XKR6: variants seen among roughly 807,000 people sequenced by gnomAD.
XKR6 encodes the protein XK related 6.
Under a neutral mutation model 56.7 loss-of-function variants are expected in XKR6, and 22 were observed. The observed-to-expected ratio is 0.39, with a 90% CI of 0.28 to 0.55. The LOEUF is 0.55. Among genes scored for constraint, XKR6 ranks in the 20% least tolerant of loss-of-function variants. The probability of loss-of-function intolerance (pLI) is 0.66; values close to 1 mark genes in which losing one functional copy is unlikely to be tolerated. For synonymous variants in XKR6, 524 were observed against 387.8 expected, an observed-to-expected ratio of 1.35 and a Z score of -4.13; for missense variants, 852 against 889.0, an observed-to-expected ratio of 0.96 and a Z score of 0.53.
intron 1 of XKR6, among the ~76,000 whole-genome samples, chr8:11,053,389 A>T (rs1057026880): frequency 3.9e-5 from 6 of 152,230 alleles, no homozygotes; most frequent in African/African-American, 1.4e-4. Context: ...AAACCCATCA[A>T]CCACAGCAGA....
At chr8:11,086,389 G>A (rs1322834593) in intron 1 of XKR6, among the ~76,000 whole-genome samples, 1 of 152,110 alleles carries the variant, frequency 6.6e-6, no homozygotes, top group Non-Finnish European at 1.5e-5. Context: ...CACAGTGGGT[G>A]CTATTCGCTG....
chr8:10,979,214 C>A (rs1797668624), intron 1 of XKR6, among the ~76,000 whole-genome samples: 1 of 151,964 alleles, frequency 6.6e-6, no homozygotes, highest in Non-Finnish European at 1.5e-5. Flanking sequence ...AGGAAGGGCT[C>A]CTGGAAGGGC....
At chr8:11,199,671 G>A (rs1585048099) in intron 1 of XKR6, among the ~76,000 whole-genome samples, 1 of 152,222 alleles carries the variant, frequency 6.6e-6, no homozygotes, top group African/African-American at 2.4e-5. Flanking sequence ...TTTAGCCAGT[G>A]AGGCAGTCAG....
At chr8:11,185,338 T>C (rs1191367530) in intron 1 of XKR6, among the ~76,000 whole-genome samples, 1 of 152,228 alleles carries the variant, frequency 6.6e-6, no homozygotes, top group Non-Finnish European at 1.5e-5. Flanking sequence ...AGTTTGGTGG[T>C]GTTTTTGTGA....
chr8:11,042,489 C>A (rs1799310456), intron 1 of XKR6, among the ~76,000 whole-genome samples: 1 of 152,174 alleles, frequency 6.6e-6, no homozygotes, highest in Admixed American at 6.5e-5. Context: ...CTGTTGTCTG[C>A]CACCATGTAA....
chr8:11,094,291 C>A (rs562719957), intron 1 of XKR6, among the ~76,000 whole-genome samples: 1 of 152,080 alleles, frequency 6.6e-6, no homozygotes, highest in African/African-American at 2.4e-5. Flanking sequence ...GGGGTTCAAG[C>A]GATTCTCCTG....
chr8:10,977,836 G>T (rs1201020303), intron 1 of XKR6, among the ~76,000 whole-genome samples: 1 of 151,608 alleles, frequency 6.6e-6, no homozygotes, highest in East Asian at 1.9e-4. Context: ...GCTAATTTTT[G>T]AAAAGTTAAC....
intron 1 of XKR6, among the ~76,000 whole-genome samples, chr8:11,027,888 C>T (rs1326322898): frequency 3.9e-5 from 6 of 152,154 alleles, no homozygotes; most frequent in Admixed American, 3.9e-4. Context: ...AAGCCCCTCT[C>T]CTCCCCCATT....
intron 1 of XKR6, among the ~76,000 whole-genome samples, chr8:11,018,782 A>C (rs1374654794): frequency 6.6e-6 from 1 of 151,906 alleles, no homozygotes; most frequent in Admixed American, 6.6e-5. Flanking sequence ...CCCCATTGCC[A>C]AAAAAGAAGA....
intron 1 of XKR6, among the ~76,000 whole-genome samples, chr8:11,128,001 T>C (rs1799912875): frequency 6.6e-6 from 1 of 152,214 alleles, no homozygotes; most frequent in Non-Finnish European, 1.5e-5. Flanking sequence ...ATTTCAGTTT[T>C]CACATAAAAC....
intron 1 of XKR6, among the ~76,000 whole-genome samples, chr8:11,156,359 T>A (rs1272288469): frequency 6.6e-6 from 1 of 152,220 alleles, no homozygotes. Context: ...TCTCATCCAA[T>A]GTAAAACTAT....
chr8:11,076,481 G>A (rs773615649), intron 1 of XKR6, among the ~76,000 whole-genome samples: 1 of 152,166 alleles, frequency 6.6e-6, no homozygotes, highest in Non-Finnish European at 1.5e-5. Context: ...GAGCAGTGAC[G>A]CCATGAGGCA....
intron 2 of XKR6, among the ~76,000 whole-genome samples, chr8:10,900,072 A>C (rs917556171): frequency 1.3e-5 from 2 of 152,052 alleles, no homozygotes; most frequent in East Asian, 1.9e-4. Flanking sequence ...CTTTTCTCCC[A>C]AAATTTCACA....
chr8:11,157,145 C>T (rs912393851), intron 1 of XKR6, among the ~76,000 whole-genome samples: 1 of 152,134 alleles, frequency 6.6e-6, no homozygotes, highest in African/African-American at 2.4e-5. Context: ...AAATGCCTGA[C>T]CAGCAAGCCT....
chr8:11,064,917 C>G (rs544169522), intron 1 of XKR6, among the ~76,000 whole-genome samples: 1 of 152,246 alleles, frequency 6.6e-6, no homozygotes, highest in South Asian at 2.1e-4. Context: ...TGACAAAAAC[C>G]TCAATGGTTA....
chr8:11,112,062 G>A (rs1217202375), intron 1 of XKR6, among the ~76,000 whole-genome samples: 2 of 152,124 alleles, frequency 1.3e-5, no homozygotes, highest in South Asian at 2.1e-4. Flanking sequence ...AAACAAGGCA[G>A]TTTTCATAAA....
At chr8:10,955,234 A>G (rs1204169996) in intron 1 of XKR6, among the ~76,000 whole-genome samples, 1 of 151,986 alleles carries the variant, frequency 6.6e-6, no homozygotes, top group East Asian at 1.9e-4. Flanking sequence ...ACAGCCTACA[A>G]TGATTGCTGC....
intron 1 of XKR6, among the ~76,000 whole-genome samples, chr8:11,139,270 T>A (rs1393268978): frequency 6.6e-6 from 1 of 152,252 alleles, no homozygotes; most frequent in Middle Eastern, 3.4e-3. Flanking sequence ...GCAGAATAAG[T>A]AGCAAAACCC....
chr8:11,070,969 G>A (rs977862961), intron 1 of XKR6, among the ~76,000 whole-genome samples: 17 of 152,212 alleles, frequency 1.1e-4, no homozygotes, highest in East Asian at 3.9e-4. Flanking sequence ...TCACTGGGGC[G>A]CTATCCCAAG....
Sources: allele counts gnomAD v4.1 joint callset (sites outside exome capture counted in the v4.1 genomes callset), GRCh38; gene constraint gnomAD v4.1.1; transcripts MANE v1.5; gene names NCBI Gene and HGNC (gene_info 2026-07-23, HGNC 2026-07-21).